Variants in ZBTB20 observed in about 807,000 individuals in gnomAD.
ZBTB20 encodes zinc finger and BTB domain-containing protein 20.
In ZBTB20, 9 loss-of-function variants were observed where a neutral mutation model predicts 56.9. The ratio of observed to expected loss-of-function variants is 0.16; its 90% CI spans 0.10 to 0.28. ZBTB20 has a LOEUF of 0.28. ZBTB20 is among the 10% of genes least tolerant of loss of function. The pLI is 1.00. For missense variants in ZBTB20, 655 were observed against 1,003.0 expected (o/e 0.65, Z 4.69); for synonymous variants, 417 against 420.7 (o/e 0.99, Z 0.11).
In ZBTB20 at chr3:114,314,748, A is replaced by C. The variant is rs2078614166; in HGVS notation, c.*24257T>G. The C allele has an allele frequency of 6.6e-6, 1 of 152,072 alleles. No homozygotes were observed. The highest frequency in any genetic ancestry group is 6.5e-5 in the Admixed American group (1 of 15,278). The allele number at this position is 152,072 out of a possible 1,614,324, so 9.4% of individuals were successfully genotyped here. A position where few individuals can be genotyped will look rare whatever the true frequency, so the allele number is the denominator to read the frequency against. ...TAATACTTCCGTATAAAGTATATGCAAGAGATAAAACTTCACAGTATTCCA... is the reference window on the plus strand; with the variant it reads ...TAATACTTCCGTATAAAGTATATGCCAGAGATAAAACTTCACAGTATTCCA... On this transcript the variant is annotated 3_prime_UTR_variant, in exon 12 of 12. Transcript: ENST00000675478.
chr3:115,031,006 T>C (rs2080652273), intron 2 of ZBTB20, among the ~76,000 whole-genome samples: 1 of 151,468 alleles, frequency 6.6e-6, no homozygotes, highest in Non-Finnish European at 1.5e-5. Flanking sequence ...TAATTTTCTG[T>C]TTTTATTTAC....
intron 6 of ZBTB20, among the ~76,000 whole-genome samples, chr3:114,601,839 T>G (rs1227570775): frequency 6.6e-6 from 1 of 151,920 alleles, no homozygotes; most frequent in East Asian, 1.9e-4. Flanking sequence ...AAGAGAGTAG[T>G]AAAAATAAAA....
At chr3:114,581,994 T>C (rs1193574478) in intron 6 of ZBTB20, 4 of 152,160 alleles carry the variant, frequency 2.6e-5, no homozygotes, top group Non-Finnish European at 5.9e-5. Context: ...AATGAGAGAA[T>C]TGATAAATAA....
chr3:114,770,040 C>G (rs1560229297), intron 5 of ZBTB20, among the ~76,000 whole-genome samples: 1 of 150,026 alleles, frequency 6.7e-6, no homozygotes, highest in African/African-American at 2.5e-5. Context: ...GCCTGGGCAA[C>G]AGAGCAAGAC....
chr3:115,054,540 C>CAGCATGTT (rs1553886593), intron 2 of ZBTB20, among the ~76,000 whole-genome samples: 1 of 152,080 alleles, frequency 6.6e-6, no homozygotes, highest in Non-Finnish European at 1.5e-5. Context: ...TAGAACACTA[C>CAGCATGTT]AGCATGTTCT....
intron 2 of ZBTB20, among the ~76,000 whole-genome samples, chr3:115,007,047 T>C (rs2079502256): frequency 6.6e-6 from 1 of 151,858 alleles, no homozygotes; most frequent in African/African-American, 2.4e-5. Flanking sequence ...ATAGGAGTAT[T>C]TGTTATTTTT....
intron 1 of ZBTB20, among the ~76,000 whole-genome samples, chr3:115,092,019 C>T (rs1056984737): frequency 3.9e-5 from 6 of 152,078 alleles, no homozygotes; most frequent in Admixed American, 3.3e-4. Context: ...CTCTGACAAT[C>T]CCTGTCTTCT....
intron 5 of ZBTB20, chr3:114,792,015 C>A (rs1205807309): frequency 1.3e-5 from 2 of 152,012 alleles, no homozygotes; most frequent in South Asian, 2.1e-4. Context: ...TTAGAGCCAA[C>A]CTGAAGTGTA....
intron 6 of ZBTB20, among the ~76,000 whole-genome samples, chr3:114,626,373 T>C (rs1413553536): frequency 6.6e-6 from 1 of 152,224 alleles, no homozygotes; most frequent in Non-Finnish European, 1.5e-5. Context: ...ACTGAATCAA[T>C]GTTCATTAAC....
intron 5 of ZBTB20, among the ~76,000 whole-genome samples, chr3:114,792,857 A>T (rs2071064016): frequency 6.9e-6 from 1 of 145,438 alleles, no homozygotes. Context: ...GAATTTTCAA[A>T]GTTTTTCTTT....
chr3:114,872,277 A>T (rs1238918656), intron 4 of ZBTB20, among the ~76,000 whole-genome samples: 26 of 152,154 alleles, frequency 1.7e-4, no homozygotes, highest in Non-Finnish European at 1.6e-4. Context: ...CCTTGTACTC[A>T]AGAGGTTTCC....
chr3:114,922,863 G>A (rs1400867878), intron 3 of ZBTB20, among the ~76,000 whole-genome samples: 1 of 152,116 alleles, frequency 6.6e-6, no homozygotes, highest in Non-Finnish European at 1.5e-5. Context: ...CACTTATGAG[G>A]AAACTACCCC....
intron 4 of ZBTB20, among the ~76,000 whole-genome samples, chr3:114,814,118 A>G (rs1269962735): frequency 6.6e-6 from 1 of 151,814 alleles, no homozygotes; most frequent in African/African-American, 2.4e-5. Context: ...ATATAATCAG[A>G]GCCCAATCTG....
At chr3:114,897,474 C>T (rs937633337) in intron 4 of ZBTB20, among the ~76,000 whole-genome samples, 2 of 152,068 alleles carry the variant, frequency 1.3e-5, no homozygotes, top group Non-Finnish European at 2.9e-5. Context: ...ACCCTGAAAT[C>T]GCAGGGGAAC....
chr3:114,519,325 A>T (rs767364003), intron 6 of ZBTB20, among the ~76,000 whole-genome samples: 10 of 152,268 alleles, frequency 6.6e-5, no homozygotes, highest in South Asian at 2.1e-4. Context: ...CAAACTAGTC[A>T]TGTATCTGCA....
At chr3:114,806,214 A>G (rs1267247375) in intron 4 of ZBTB20, among the ~76,000 whole-genome samples, 1 of 151,888 alleles carries the variant, frequency 6.6e-6, no homozygotes, top group Non-Finnish European at 1.5e-5. Flanking sequence ...TCCCCTGGTA[A>G]TATAGGAGGC....
chr3:114,357,204 T>A (rs1037156387), intron 10 of ZBTB20: 5 of 152,206 alleles, frequency 3.3e-5, no homozygotes, highest in African/African-American at 1.2e-4. Context: ...CATCAAGGAT[T>A]TCAGCACGTT....
intron 6 of ZBTB20, among the ~76,000 whole-genome samples, chr3:114,618,819 C>A (rs1310143915): frequency 6.6e-6 from 1 of 152,156 alleles, no homozygotes; most frequent in Non-Finnish European, 1.5e-5. Flanking sequence ...ACAGACAATT[C>A]TTTGCACTTT....
chr3:114,482,819 AT>A (rs1240615920), intron 7 of ZBTB20, among the ~76,000 whole-genome samples: 1 of 152,224 alleles, frequency 6.6e-6, no homozygotes, highest in Non-Finnish European at 1.5e-5. Flanking sequence ...ACTTTTAAAA[AT>A]TAAGAACAGT....
Sources: gnomAD v4.1 joint callset for allele counts (sites outside exome capture counted in the v4.1 genomes callset) on GRCh38, gnomAD v4.1.1 for gene constraint, MANE v1.5 for transcripts, NCBI Gene and HGNC (gene_info 2026-07-23, HGNC 2026-07-21) for gene names.